Variants in RHOJ observed in about 807,000 individuals in gnomAD.
The protein encoded by RHOJ is rho-related GTP-binding protein RhoJ.
A neutral mutation model predicts 23.4 loss-of-function variants in RHOJ; 11 were observed. That is an observed-to-expected ratio of 0.47 (90% confidence interval 0.30 to 0.78). The LOEUF (loss-of-function observed/expected upper bound fraction) is 0.78. RHOJ is among the 30% of genes least tolerant of loss of function. The pLI is 0.08. For synonymous variants in RHOJ, 102 were observed against 102.7 expected (o/e 0.99, Z 0.04); for missense variants, 254 against 273.4 (o/e 0.93, Z 0.50).
Position 63,292,316 on chromosome 14 carries a change from G to A in RHOJ, c.*1292G>A, listed in dbSNP as rs1005355036. On this transcript the variant is annotated 3_prime_UTR_variant, in exon 5 of 5. Coordinates refer to ENST00000316754, the MANE Select transcript of RHOJ (RefSeq NM_020663.5). ...CCTGCCCTCCACAATGTGTGACATAGAACAGGGACTTTGGCCCTGGGAAAG... is the reference window on the plus strand; with the variant it reads ...CCTGCCCTCCACAATGTGTGACATAAAACAGGGACTTTGGCCCTGGGAAAG... 2 of 152,158 alleles carry A rather than the reference G, an allele frequency of 1.3e-5. No individual in the cohort carries two copies. The highest frequency in any genetic ancestry group is 6.5e-5 in the Admixed American group (1 of 15,274). 9.4% of individuals were successfully genotyped at this position (152,158 alleles called of 1,614,324 possible). A position where few individuals can be genotyped will look rare whatever the true frequency, so the allele number is the denominator to read the frequency against.
chr14:63,223,782 G>T (rs1426044254), intron 1 of RHOJ, among the ~76,000 whole-genome samples: 1 of 151,776 alleles, frequency 6.6e-6, no homozygotes, highest in Non-Finnish European at 1.5e-5. Flanking sequence ...TTCAGATTAG[G>T]GTTCAACCTC....
At chr14:63,274,725 T>C (rs1881663876) in intron 2 of RHOJ, among the ~76,000 whole-genome samples, 1 of 152,176 alleles carries the variant, frequency 6.6e-6, no homozygotes, top group African/African-American at 2.4e-5. Context: ...ATTTTATGGA[T>C]AAGGAAAGGG....
At position 63,241,612 on chromosome 14, in the gene RHOJ, T is replaced by C. The variant is rs149433342; in HGVS notation, c.179-27498T>C. ...GATGACAGGAACATCAATATCCAGT[T>C]AACTTTGCAGAGCAGTTAGTTATGT... On this transcript the variant is annotated intron_variant, in intron 1 of 4. Coordinates refer to ENST00000316754, the MANE Select transcript of RHOJ (RefSeq NM_020663.5). Among the ~76,000 whole-genome samples the C allele has an allele frequency of 1.5e-3, 235 of 152,262 alleles. 1 individual carries two copies. Among genetic ancestry groups the C allele is most frequent in the Middle Eastern group, 3.4e-3 (1 of 294 alleles).
intron 1 of RHOJ, among the ~76,000 whole-genome samples, chr14:63,220,278 T>C (rs765917404): frequency 5.3e-5 from 8 of 152,178 alleles, no homozygotes; most frequent in South Asian, 2.1e-4. Flanking sequence ...TATCCTCTCT[T>C]TGGTGCAGAC....
At chr14:63,249,624 T>A (rs1459096922) in intron 1 of RHOJ, among the ~76,000 whole-genome samples, 1 of 152,248 alleles carries the variant, frequency 6.6e-6, no homozygotes, top group Admixed American at 6.5e-5. Context: ...ATAGCTCCAT[T>A]TGAACCTCAT....
chr14:63,273,441 A>G (rs368953504), intron 2 of RHOJ, among the ~76,000 whole-genome samples: 48 of 152,322 alleles, frequency 3.2e-4, no homozygotes, highest in East Asian at 1.7e-3. Context: ...TGACTTTCCC[A>G]TGATGTCCTT....
chr14:63,284,334 C>T, intron 4 of RHOJ: 3 of 985,320 alleles, frequency 3.0e-6, no homozygotes, highest in Non-Finnish European at 3.6e-6. Flanking sequence ...TACTTCTATG[C>T]ACAGTAATGT....
intron 1 of RHOJ, among the ~76,000 whole-genome samples, chr14:63,248,484 C>G (rs1291364633): frequency 2.0e-5 from 3 of 152,096 alleles, no homozygotes; most frequent in African/African-American, 7.2e-5. Flanking sequence ...CTTTGTCATT[C>G]TAAGGTATCC....
chr14:63,241,172 C>A (rs550810384), intron 1 of RHOJ, among the ~76,000 whole-genome samples: 1 of 152,364 alleles, frequency 6.6e-6, no homozygotes, highest in South Asian at 2.1e-4. Flanking sequence ...TACGCGCATT[C>A]ATTCCATGGT....
chr14:63,271,523 C>A (rs1241959055), intron 2 of RHOJ, among the ~76,000 whole-genome samples: 16 of 152,200 alleles, frequency 1.1e-4, no homozygotes, highest in Non-Finnish European at 1.5e-5. Flanking sequence ...AGCTACTGTG[C>A]CCCACTCCAA....
chr14:63,248,753 T>C (rs28631365), intron 1 of RHOJ, among the ~76,000 whole-genome samples: 6,673 of 152,272 alleles, frequency 0.044, 497 homozygotes, highest in African/African-American at 0.15. Flanking sequence ...AGTCCTAGCT[T>C]CAGATGAAGC....
At chr14:63,242,489 A>C (rs1894900639) in intron 1 of RHOJ, among the ~76,000 whole-genome samples, 1 of 152,166 alleles carries the variant, frequency 6.6e-6, no homozygotes, top group Admixed American at 6.5e-5. Context: ...GGATCACTTA[A>C]GCCCAGGAGT....
intron 2 of RHOJ, among the ~76,000 whole-genome samples, chr14:63,272,197 T>C (rs1181988425): frequency 2.6e-5 from 4 of 152,256 alleles, no homozygotes; most frequent in Non-Finnish European, 1.5e-5. Flanking sequence ...TGTATCCCCG[T>C]AGTTCTACAA....
intron 2 of RHOJ, among the ~76,000 whole-genome samples, chr14:63,273,299 C>T (rs1895504536): frequency 6.6e-6 from 1 of 152,150 alleles, no homozygotes; most frequent in Admixed American, 6.5e-5. Flanking sequence ...GCCAACCAGC[C>T]CTGTAAGCCA....
chr14:63,228,547 T>C (rs759857134), intron 1 of RHOJ, among the ~76,000 whole-genome samples: 2 of 151,986 alleles, frequency 1.3e-5, no homozygotes, highest in Non-Finnish European at 2.9e-5. Flanking sequence ...AGAATTGATC[T>C]ATAAATACCT....
At chr14:63,283,330 A>G (rs1881973970) in intron 4 of RHOJ, 114 bp downstream of exon 4, 1 of 847,138 alleles carries the variant, frequency 1.2e-6, no homozygotes, top group Admixed American at 2.0e-5. Context: ...TGTGTTTAGA[A>G]TCTTCTCTAA....
intron 1 of RHOJ, among the ~76,000 whole-genome samples, chr14:63,259,097 G>A (rs1056483984): frequency 2.0e-5 from 3 of 152,146 alleles, no homozygotes; most frequent in South Asian, 4.1e-4. Context: ...GTGCCACCAC[G>A]CCTGGCTAAT....
chr14:63,247,276 AAGAACAGCCTTCT>A (rs1894993322), intron 1 of RHOJ, among the ~76,000 whole-genome samples: 1 of 152,216 alleles, frequency 6.6e-6, no homozygotes, highest in African/African-American at 2.4e-5. Flanking sequence ...ATGAACTTGG[AAGAACAGCCTTCT>A]AGAACAGCAC....
intron 2 of RHOJ, among the ~76,000 whole-genome samples, chr14:63,275,925 A>T (rs543754722): frequency 6.6e-6 from 1 of 152,246 alleles, no homozygotes; most frequent in Non-Finnish European, 1.5e-5. Flanking sequence ...CCAAGGGGAC[A>T]CTTTCTTTTA....
Sources: gnomAD v4.1 joint callset for allele counts (sites outside exome capture counted in the v4.1 genomes callset) on GRCh38, gnomAD v4.1.1 for gene constraint, MANE v1.5 for transcripts, NCBI Gene and HGNC (gene_info 2026-07-23, HGNC 2026-07-21) for gene names.